The following COL3A1 variants were observed in gnomAD, a reference collection of about 807,000 sequenced individuals.
COL3A1 encodes collagen alpha-1(III) chain.
Under a neutral mutation model 200.9 loss-of-function variants are expected in COL3A1, and 46 were observed. The observed-to-expected ratio is 0.23, with a 90% CI of 0.18 to 0.29. The LOEUF (loss-of-function observed/expected upper bound fraction) is 0.29. COL3A1 is among the 10% of genes least tolerant of loss of function. COL3A1 has a pLI of 1.00. For missense variants in COL3A1, 1,367 were observed against 1,917.6 expected, an observed-to-expected ratio of 0.71 and a Z score of 5.36; for synonymous variants, 650 against 628.0, an observed-to-expected ratio of 1.03 and a Z score of -0.52.
intron 27 of COL3A1, 120 bp downstream of exon 27, chr2:188,997,873 A>G (rs1688365211): frequency 5.4e-6 from 5 of 920,530 alleles, no homozygotes; most frequent in Non-Finnish European, 8.7e-6. Flanking sequence ...TGGAAATAAA[A>G]TTTTAGGCAA....
At chr2:189,003,686 G>T (rs755323022) in intron 37 of COL3A1, 48 bp from the exon 38 acceptor site, 96 of 1,585,978 alleles carry the variant, frequency 6.1e-5, no homozygotes, top group Non-Finnish European at 7.3e-5. Context: ...TTGTTGTACA[G>T]TTATTTGTTC....
In COL3A1 at chr2:188,994,529, G is replaced by A; in HGVS notation, c.1294-12G>A. The A allele has an allele frequency of 6.2e-7, 1 of 1,614,072 alleles. No individual in the cohort carries two copies. On this transcript the variant is annotated splice_polypyrimidine_tract_variant and intron_variant, in intron 18 of 50. Coordinates refer to ENST00000304636, the MANE Select transcript of COL3A1 (RefSeq NM_000090.4). This position sits in a 1 kb window ranked among gnomAD's most constrained non-coding sequence, Gnocchi z 4.5. ...CTCCCTGTGTTTCAACCAAGACTTT[G>A]TTATACTTTAGGGTGAGCCTGGTAA...
chr2:188,981,526 A>C lies in COL3A1; in HGVS notation c.80-3234A>C, dbSNP rs74978751. Among the ~76,000 whole-genome samples, 287 of 151,720 alleles carry C rather than the reference A, an allele frequency of 1.9e-3. 1 individual carries two copies. The highest frequency in any genetic ancestry group is 6.8e-3 in the African/African-American group (282 of 41,518). ...TCCATTACTTTTCAATAGTAGAATG[A>C]AATTATTTGCCTTTTATTTAATATT... is the stretch of plus-strand genomic sequence containing the variant. On this transcript the variant is annotated intron_variant, in intron 1 of 50. Coordinates refer to ENST00000304636, the MANE Select transcript of COL3A1 (RefSeq NM_000090.4).
At chr2:188,992,988 G>T in intron 15 of COL3A1, 48 bp downstream of exon 15, 1 of 1,566,662 alleles carries the variant, frequency 6.4e-7, no homozygotes, top group Non-Finnish European at 8.8e-7. Context: ...TTGGAGGCAA[G>T]AGAAAAGCAT....
chr2:188,993,052 C>T (rs568048319), intron 15 of COL3A1, 112 bp downstream of exon 15: 2 of 953,190 alleles, frequency 2.1e-6, no homozygotes, highest in Admixed American at 1.8e-5. Context: ...TAGCTTTTAT[C>T]TATACATGTC....
At chr2:188,984,326 ATCCAGAAAG>A (rs1688018927) in intron 1 of COL3A1, among the ~76,000 whole-genome samples, 2 of 152,028 alleles carry the variant, frequency 1.3e-5, no homozygotes, top group African/African-American at 4.8e-5. Flanking sequence ...GGTTGATAAA[ATCCAGAAAG>A]TCTTCAGAGT....
intron 5 of COL3A1, among the ~76,000 whole-genome samples, chr2:188,987,478 A>C (rs1369784308): frequency 6.6e-6 from 1 of 152,148 alleles, no homozygotes; most frequent in Non-Finnish European, 1.5e-5. Flanking sequence ...GCATGTTACA[A>C]AACTGAAGCA....
intron 44 of COL3A1, 81 bp from the exon 45 acceptor site, chr2:189,007,419 G>A (rs1688618104): frequency 1.8e-6 from 2 of 1,118,176 alleles, no homozygotes; most frequent in Admixed American, 4.3e-5. Context: ...CCATAAAATA[G>A]ATTTAATTAT....
Position 189,011,781 on chromosome 2 carries a change from C to T in COL3A1, c.*7C>T, listed in dbSNP as rs1057523029. 1.2e-6 allele frequency: 2 copies of T among 1,613,826 alleles called. No individual in the cohort carries two copies. The highest frequency in any genetic ancestry group is 1.7e-6 in the Non-Finnish European group (2 of 1,179,784). On this transcript the variant is annotated 3_prime_UTR_variant, in exon 51 of 51. Coordinates refer to ENST00000304636, the MANE Select transcript of COL3A1 (RefSeq NM_000090.4). Reference sequence around the variant, plus strand: ...CCCTGTTTGCTTTTTATAAACCAAACTCTATCTGAAATCCCAACAAAAAAA... The same window carrying T: ...CCCTGTTTGCTTTTTATAAACCAAATTCTATCTGAAATCCCAACAAAAAAA...
chr2:188,991,680 G>A lies in COL3A1; in HGVS notation c.909G>A (p.Gly303=), dbSNP rs752723558. 2 of 1,613,904 alleles carry A rather than the reference G, an allele frequency of 1.2e-6. No homozygotes were observed. Among genetic ancestry groups the A allele is most frequent in the Admixed American group, 3.3e-5 (2 of 59,992 alleles). The part of the protein sequence containing the change: ...NGAPGPMGPR[G]APGERGRPGL... Reference sequence around the variant, plus strand: ...ATTTTACTCTGTAGGGTCCAAGAGGGGCTCCTGGTGAGCGAGGACGGCCAG... The same window carrying A: ...ATTTTACTCTGTAGGGTCCAAGAGGAGCTCCTGGTGAGCGAGGACGGCCAG... The change falls in exon 13 of 51, where the codon GGG becomes GGA. Residue 303 remains glycine, a synonymous_variant. Transcript: ENST00000304636.
intron 1 of COL3A1, among the ~76,000 whole-genome samples, chr2:188,980,823 A>G (rs899256914): frequency 8.6e-5 from 13 of 151,232 alleles, no homozygotes; most frequent in Non-Finnish European, 1.5e-4. Context: ...CATTATTTCA[A>G]TTGGAAACTA....
chr2:188,993,954 C>A, intron 16 of COL3A1, 84 bp from the exon 17 acceptor site: 1 of 1,287,724 alleles, frequency 7.8e-7, no homozygotes, highest in Non-Finnish European at 1.1e-6. Context: ...CTCATCGATA[C>A]ATTTATTTTC....
intron 39 of COL3A1, 56 bp from the exon 40 acceptor site, chr2:189,004,201 A>T: frequency 6.2e-7 from 1 of 1,607,708 alleles, no homozygotes. Flanking sequence ...TCACAAATCG[A>T]TTAGAGAAAA....
chr2:188,995,599 C>T, intron 21 of COL3A1, 93 bp from the exon 22 acceptor site: 1 of 827,378 alleles, frequency 1.2e-6, no homozygotes, highest in Non-Finnish European at 2.0e-6. Context: ...TTTAAAAGTT[C>T]AAATGACGTC....
intron 27 of COL3A1, 26 bp downstream of exon 27, chr2:188,997,779 C>T (rs375829334): frequency 6.2e-6 from 10 of 1,608,968 alleles, no homozygotes; most frequent in African/African-American, 2.7e-5. Flanking sequence ...TTAAATGTCA[C>T]GGCATATCTG....
chr2:189,001,401 C>G lies in COL3A1; in HGVS notation c.2288C>G (p.Pro763Arg), dbSNP rs1299723216. ...GVPGKDGPRGPTGPIGPPGPA... is the reference protein window; with the variant it reads ...GVPGKDGPRGRTGPIGPPGPA... ...AAATATTTTTATTTCCTCTAGGGTC[C>G]TACTGGTCCTATTGGTCCTCCTGGC... Residue 763 changes from proline (P) to arginine (R), a missense_variant, in exon 33 of 51, where the codon CCT (proline) becomes CGT (arginine). Around this residue, in one of 5 missense-constraint regions of COL3A1, gnomAD observed 846 missense variants for 1,147.9 expected, o/e 0.74. Coordinates refer to ENST00000304636, the MANE Select transcript of COL3A1 (RefSeq NM_000090.4). 6.2e-7 allele frequency: 1 copy of G among 1,613,318 alleles called. No individual in the cohort carries two copies. Among genetic ancestry groups the G allele is most frequent in the Non-Finnish European group, 8.5e-7 (1 of 1,179,414 alleles).
chr2:189,010,136 G>T (rs1399649841), intron 48 of COL3A1, 42 bp from the exon 49 acceptor site: 1 of 1,594,704 alleles, frequency 6.3e-7, no homozygotes, highest in Admixed American at 1.7e-5. Context: ...CTTTATTACT[G>T]GATTTTATAA....
chr2:189,010,409 C>T (rs375779455), intron 49 of COL3A1, 44 bp downstream of exon 49: 2 of 1,598,510 alleles, frequency 1.3e-6, no homozygotes, highest in African/African-American at 1.3e-5. Flanking sequence ...ACCTCTATAT[C>T]CTTTGTATTC....
intron 15 of COL3A1, 95 bp from the exon 16 acceptor site, chr2:188,993,266 C>T (rs1688226765): frequency 9.4e-7 from 1 of 1,061,418 alleles, no homozygotes; most frequent in Non-Finnish European, 1.4e-6. Context: ...ACTACTCCAA[C>T]TTTTGGGAGA....
Sources: allele counts gnomAD v4.1 joint callset (sites outside exome capture counted in the v4.1 genomes callset), GRCh38; gene constraint gnomAD v4.1.1; regional missense constraint gnomAD v4.1.1; non-coding constraint Gnocchi (gnomAD v3.1); transcripts MANE v1.5; gene names NCBI Gene and HGNC (gene_info 2026-07-23, HGNC 2026-07-21).